The following TARS1 variants were observed in gnomAD, a reference collection of about 807,000 sequenced individuals.
TARS1 encodes the protein threonyl-tRNA synthetase 1, also known as threonine--tRNA ligase 1, cytoplasmic.
A neutral mutation model predicts 97.7 loss-of-function variants in TARS1; 57 were observed. The observed-to-expected ratio is 0.58, with a 90% CI of 0.47 to 0.73. TARS1 has a LOEUF of 0.73. Ranked by LOEUF, TARS1 falls within the 30% of genes least tolerant of loss-of-function variation. TARS1 has a pLI of 0.00. For missense variants in TARS1, 806 were observed against 888.3 expected, an observed-to-expected ratio of 0.91 and a Z score of 1.18; for synonymous variants, 312 against 293.7, an observed-to-expected ratio of 1.06 and a Z score of -0.64.
chr5:33,464,920 G>A (rs1238384003), intron 17 of TARS1, among the ~76,000 whole-genome samples: 1 of 151,736 alleles, frequency 6.6e-6, no homozygotes, highest in African/African-American at 2.4e-5. Flanking sequence ...CAAAAAATTA[G>A]CTGGGCGCAG....
rs1364202601 is a variant in TARS1 at position 33,461,816 on chromosome 5, T to C, written c.1629+72T>C. 5.6e-6 allele frequency: 9 copies of C among 1,594,056 alleles called. No individual in the cohort carries two copies. The Admixed American group carries it at 1.2e-4, about 21-fold the overall frequency. ...GAAGAAGATACGACTTCGAAAAAAG[T>C]TGGAAAAAAGAAAATCAGCCCTAAT... On this transcript the variant is annotated intron_variant, in intron 14 of 18. Coordinates refer to ENST00000265112, the MANE Select transcript of TARS1 (RefSeq NM_152295.5).
rs746264993 is a variant in TARS1, at chr5:33,455,154, A to T, written c.575+88A>T. The T allele has an allele frequency of 4.0e-6, 6 of 1,503,746 alleles. No individual in the cohort carries two copies. In the African/African-American group the frequency reaches 8.3e-5, roughly 21 times the overall value. 93.2% of individuals were successfully genotyped at this position (1,503,746 alleles called of 1,614,324 possible). On this transcript the variant is annotated intron_variant, in intron 5 of 18. Transcript: ENST00000265112. ...AAGAGTTCTCAGTAAGGGAGGAATG[A>T]TATAGATCTCACTGCTTCTTCATCA...
Position 33,462,024 on chromosome 5 carries a change from G to C in TARS1, c.1730+18G>C, listed in dbSNP as rs758142079. ...TATGTAAGGTGAGTTTCTGGTGTCT[G>C]CTCTGAATATTCTCCAGGGATATAT... On this transcript the variant is annotated intron_variant, in intron 15 of 18. Coordinates refer to ENST00000265112, the MANE Select transcript of TARS1 (RefSeq NM_152295.5). 1 of 1,610,998 alleles carries C rather than the reference G, an allele frequency of 6.2e-7. No homozygotes were observed.
chr5:33,455,380 G>A (rs1300494452), intron 5 of TARS1, among the ~76,000 whole-genome samples: 1 of 152,164 alleles, frequency 6.6e-6, no homozygotes, highest in African/African-American at 2.4e-5. Flanking sequence ...CTCCATGGAT[G>A]ACCAAGGTAG....
intron 9 of TARS1, 126 bp downstream of exon 9, chr5:33,457,529 G>A: frequency 1.0e-6 from 1 of 1,004,590 alleles, no homozygotes; most frequent in South Asian, 1.6e-5. Context: ...TTAGTAACTG[G>A]TGCTATGTCC....
At chr5:33,455,102 A>T in intron 5 of TARS1, 36 bp downstream of exon 5, 1 of 1,610,430 alleles carries the variant, frequency 6.2e-7, no homozygotes, top group Non-Finnish European at 8.5e-7. Context: ...ACTGAAGTCA[A>T]TGACTATGGA....
At position 33,445,418 on chromosome 5, in the gene TARS1, T is replaced by C; in HGVS notation, c.138+14T>C. On this transcript the variant is annotated intron_variant, in intron 2 of 18. Coordinates refer to ENST00000265112, the MANE Select transcript of TARS1 (RefSeq NM_152295.5). ...GGTCGAGCTGAGGTAAAAGTTATCA[T>C]CACAGAGGGCTCTGTTATCAGAGGT... 6.2e-7 allele frequency: 1 copy of C among 1,609,288 alleles called. No homozygotes were observed. Among genetic ancestry groups the C allele is most frequent in the South Asian group, 1.1e-5 (1 of 90,824 alleles).
chr5:33,452,176 G>A (rs1741775833), intron 3 of TARS1, among the ~76,000 whole-genome samples: 2 of 152,312 alleles, frequency 1.3e-5, no homozygotes, highest in African/African-American at 2.4e-5. Context: ...AAGCCTTCTA[G>A]TGGTAGGTTT....
At chr5:33,459,919 G>T in intron 11 of TARS1, 58 bp downstream of exon 11, 1 of 1,554,272 alleles carries the variant, frequency 6.4e-7, no homozygotes, top group Non-Finnish European at 8.7e-7. Flanking sequence ...TTCATCCTGG[G>T]TTCTTCCCTC....
At chr5:33,465,105 A>C (rs934126718) in intron 17 of TARS1, among the ~76,000 whole-genome samples, 1 of 152,174 alleles carries the variant, frequency 6.6e-6, no homozygotes, top group South Asian at 2.1e-4. Flanking sequence ...TAAATAAAAA[A>C]AATGAAGTGA....
At chr5:33,440,921 TG>T, upstream of TARS1, 1 of 707,920 alleles carries the variant, frequency 1.4e-6, no homozygotes, top group South Asian at 1.8e-5. Flanking sequence ...ATCCATTGGC[TG>T]CTCGTTCCGC....
Position 33,467,613 on chromosome 5 carries a change from A to G in TARS1, c.2077A>G (p.Asn693Asp). The G allele has an allele frequency of 1.2e-6, 2 of 1,614,028 alleles. No homozygotes were observed. The highest frequency in any genetic ancestry group is 1.1e-5 in the South Asian group (1 of 91,060). Residue 693 changes from asparagine (N) to aspartate (D), a missense_variant, in exon 19 of 19, where the codon AAT (asparagine) becomes GAT (aspartate). Asn to Asp is a conservative substitution (Grantham distance 23). Transcript: ENST00000265112. The part of the protein sequence containing the change: ...SGTVNIRTRD[N>D]KVHGERTISE... The stretch of plus-strand genomic sequence containing the variant: ...CACTGTTAATATCCGCACAAGAGAC[A>G]ATAAGGTCCACGGGGAACGCACCAT...
rs369785482 is a variant in TARS1 at position 33,458,597 on chromosome 5, G to A, written c.1016G>A (p.Ser339Asn). The A allele has an allele frequency of 1.9e-6, 3 of 1,613,518 alleles. No individual in the cohort carries two copies. Among genetic ancestry groups the A allele is most frequent in the Non-Finnish European group, 2.5e-6 (3 of 1,179,746 alleles). The change falls in exon 10 of 19, where the codon AGC becomes AAC. Residue 339 changes from serine (S) to asparagine (N), a missense_variant. Ser to Asn is a conservative substitution (Grantham distance 46). Coordinates refer to ENST00000265112, the MANE Select transcript of TARS1 (RefSeq NM_152295.5). ...DQELYFFHELSPGSCFFLPKG... is the reference protein window; with the variant it reads ...DQELYFFHELNPGSCFFLPKG... ...GAACTATATTTCTTTCATGAACTCA[G>A]CCCTGGAAGTTGCTTTTTTCTGCCA...
intron 16 of TARS1, among the ~76,000 whole-genome samples, chr5:33,463,086 A>G (rs1050312440): frequency 5.9e-5 from 9 of 152,234 alleles, no homozygotes; most frequent in Non-Finnish European, 1.2e-4. Context: ...GGAAAAGTCC[A>G]TGATTAGGGT....
intron 16 of TARS1, 30 bp downstream of exon 16, chr5:33,462,233 A>G (rs762939067): frequency 2.0e-5 from 32 of 1,566,654 alleles, no homozygotes; most frequent in Admixed American, 1.2e-4. Context: ...TTTTTTTCTG[A>G]TTAGTATAAA....
chr5:33,466,250 TA>T (rs948004388), intron 17 of TARS1: 1 of 152,230 alleles, frequency 6.6e-6, no homozygotes, highest in Non-Finnish European at 1.5e-5. Flanking sequence ...GATTTGAATG[TA>T]AAATGCCCAA....
intron 6 of TARS1, 73 bp from the exon 7 acceptor site, chr5:33,455,929 C>A: frequency 7.6e-7 from 1 of 1,319,026 alleles, no homozygotes; most frequent in Non-Finnish European, 1.1e-6. Flanking sequence ...TACAGTGCTA[C>A]GTTTTAGCTA....
intron 11 of TARS1, among the ~76,000 whole-genome samples, chr5:33,460,236 C>T (rs145281682): frequency 0.01 from 1,544 of 152,174 alleles, 38 homozygotes; most frequent in African/African-American, 0.035. Context: ...CTTCCCAAAG[C>T]GCTGGGATTA....
chr5:33,453,138 G>T, intron 3 of TARS1, 151 bp from the exon 4 acceptor site: 1 of 1,075,058 alleles, frequency 9.3e-7, no homozygotes, highest in East Asian at 3.0e-5. Flanking sequence ...TTTGGAATTT[G>T]TTGTTTTTAT....
Sources: gnomAD v4.1 joint callset for allele counts (sites outside exome capture counted in the v4.1 genomes callset) on GRCh38, gnomAD v4.1.1 for gene constraint, MANE v1.5 for transcripts, NCBI Gene and HGNC (gene_info 2026-07-23, HGNC 2026-07-21) for gene names.